STPG2: variants seen among roughly 807,000 people sequenced by gnomAD.
STPG2 encodes the protein sperm-tail PG-rich repeat-containing protein 2.
A neutral mutation model predicts 54.2 loss-of-function variants in STPG2; 56 were observed. The ratio of observed to expected loss-of-function variants is 1.03; its 90% CI spans 0.83 to 1.29. STPG2 has a LOEUF of 1.29. Ranked by LOEUF, STPG2 falls within the 50% of genes most tolerant of loss-of-function variation. STPG2 has a pLI of 0.00. For missense variants in STPG2, 596 were observed against 544.9 expected (o/e 1.09, Z -0.93); for synonymous variants, 200 against 181.8 (o/e 1.10, Z -0.81).
At chr4:97,481,556 G>A (rs573394038) in intron 4 of STPG2, among the ~76,000 whole-genome samples, 199 of 151,416 alleles carry the variant, frequency 1.3e-3, no homozygotes, top group Non-Finnish European at 2.3e-3. Context: ...CAGCATACAG[G>A]TCTAACATGT....
intron 8 of STPG2, among the ~76,000 whole-genome samples, chr4:97,939,419 T>A (rs187314804): frequency 2.1e-3 from 322 of 152,272 alleles, no homozygotes; most frequent in African/African-American, 7.4e-3. Flanking sequence ...GTTGAAGTCT[T>A]ATTGTGTGGG....
intron 9 of STPG2, among the ~76,000 whole-genome samples, chr4:97,791,518 C>A (rs1479544178): frequency 2.0e-5 from 3 of 150,988 alleles, no homozygotes; most frequent in Non-Finnish European, 4.5e-5. Flanking sequence ...CAAATAATCC[C>A]TGTGAAATAT....
intron 8 of STPG2, among the ~76,000 whole-genome samples, chr4:97,874,923 C>T (rs1372132866): frequency 6.6e-6 from 1 of 151,894 alleles, no homozygotes; most frequent in East Asian, 1.9e-4. Flanking sequence ...CTTGAACTTC[C>T]CAGCCTCCAG....
At chr4:97,909,308 T>C (rs60061976) in intron 8 of STPG2, among the ~76,000 whole-genome samples, 1 of 152,180 alleles carries the variant, frequency 6.6e-6, no homozygotes, top group South Asian at 2.1e-4. Context: ...AAATAATTTC[T>C]AAATCTACCA....
intron 8 of STPG2, among the ~76,000 whole-genome samples, chr4:97,919,730 A>T (rs1301260860): frequency 1.3e-5 from 2 of 152,314 alleles, no homozygotes; most frequent in South Asian, 4.1e-4. Context: ...TCTTATAAAT[A>T]TTTAAGAAAG....
intron 10 of STPG2, among the ~76,000 whole-genome samples, chr4:97,590,231 C>A (rs1236739444): frequency 6.6e-6 from 1 of 151,956 alleles, no homozygotes; most frequent in Non-Finnish European, 1.5e-5. Context: ...TCTATGCAAC[C>A]TACCCCCAAG....
At chr4:97,956,485 T>C (rs921219919) in intron 7 of STPG2, among the ~76,000 whole-genome samples, 2 of 152,010 alleles carry the variant, frequency 1.3e-5, no homozygotes, top group African/African-American at 4.8e-5. Context: ...GACCATGAAC[T>C]TTTGCTCCAG....
In STPG2 at chr4:97,845,695, A is replaced by C. The variant is rs531457416; in HGVS notation, c.1045-4763T>G. Among the ~76,000 whole-genome samples, 5 of 152,310 alleles carry C rather than the reference A, an allele frequency of 3.3e-5. No individual in the cohort carries two copies. In the South Asian group the frequency reaches 1.0e-3, roughly 32 times the overall value. On this transcript the variant is annotated intron_variant, in intron 8 of 10. Coordinates refer to ENST00000295268, the MANE Select transcript of STPG2 (RefSeq NM_174952.3). Reference sequence around the variant, plus strand: ...ATAAACTATTACTGATAAACAGTACATTTTGATAAACCTCTGCATTAAATT... The same window carrying C: ...ATAAACTATTACTGATAAACAGTACCTTTTGATAAACCTCTGCATTAAATT...
At chr4:97,915,542 A>G (rs1250646164) in intron 8 of STPG2, among the ~76,000 whole-genome samples, 1 of 152,106 alleles carries the variant, frequency 6.6e-6, no homozygotes, top group Non-Finnish European at 1.5e-5. Flanking sequence ...AGCTCCAGGA[A>G]GGTAGAAGAG....
At chr4:97,863,798 A>C (rs1388090728) in intron 8 of STPG2, among the ~76,000 whole-genome samples, 1 of 152,152 alleles carries the variant, frequency 6.6e-6, no homozygotes, top group East Asian at 1.9e-4. Context: ...TTCAACATAC[A>C]CAAATCAATA....
Position 98,143,027 on chromosome 4 carries a change from C to T in STPG2, c.109+15G>A. 6.2e-7 allele frequency: 1 copy of T among 1,602,838 alleles called. No individual in the cohort carries two copies. The highest frequency in any genetic ancestry group is 8.5e-7 in the Non-Finnish European group (1 of 1,172,942). The stretch of plus-strand genomic sequence containing the variant: ...GATGCCTGTCACAGGAGCTCTGCCT[C>T]TTCCTACATCTTACCTGTCGCCTGC... On this transcript the variant is annotated intron_variant, in intron 1 of 10. Coordinates refer to ENST00000295268, the MANE Select transcript of STPG2 (RefSeq NM_174952.3).
chr4:98,070,815 G>A (rs1737980845), intron 5 of STPG2, among the ~76,000 whole-genome samples: 1 of 151,940 alleles, frequency 6.6e-6, no homozygotes, highest in African/African-American at 2.4e-5. Context: ...AGAAGTAAAG[G>A]ACCTCTTCAA....
At chr4:98,073,008 A>T (rs1738055307) in intron 5 of STPG2, among the ~76,000 whole-genome samples, 2 of 152,346 alleles carry the variant, frequency 1.3e-5, no homozygotes, top group Admixed American at 1.3e-4. Context: ...AATGCTATAT[A>T]TGAGACGCAG....
rs573377684 is a variant in STPG2, at chr4:97,692,310, A to C, written c.1320+20389T>G. 3.8e-4 allele frequency among the ~76,000 whole-genome samples: 58 copies of C among 151,786 alleles called. No homozygotes were observed. In the South Asian group the frequency reaches 0.012, roughly 30 times the overall value. The stretch of plus-strand genomic sequence containing the variant: ...TGATACAGGATATGAAAAAAAAAAA[A>C]AAAAAACCTCAAGTGAAATAGATAG... On this transcript the variant is annotated intron_variant, in intron 10 of 10. Coordinates refer to ENST00000295268, the MANE Select transcript of STPG2 (RefSeq NM_174952.3).
intron 8 of STPG2, among the ~76,000 whole-genome samples, chr4:97,941,195 C>T (rs1039577496): frequency 5.9e-5 from 9 of 151,914 alleles, no homozygotes; most frequent in Admixed American, 2.0e-4. Context: ...TATTTCTCAT[C>T]CCTTTGTGGG....
intron 4 of STPG2, among the ~76,000 whole-genome samples, chr4:97,550,222 GATTT>G (rs898845839): frequency 7.4e-4 from 112 of 151,972 alleles, no homozygotes; most frequent in African/African-American, 2.5e-3. Context: ...CACTACTAAA[GATTT>G]ATTATGTTGT....
Position 97,750,057 on chromosome 4 carries a change from A to T in STPG2, c.1205-37243T>A, listed in dbSNP as rs541854853. The stretch of plus-strand genomic sequence containing the variant: ...TGCATATAATACAAATGCTATTTGC[A>T]TAAGTGCAGATTTATTATTATGAGT... On this transcript the variant is annotated intron_variant, in intron 9 of 10. Transcript: ENST00000295268. Among the ~76,000 whole-genome samples, 147 of 151,968 alleles carry T rather than the reference A, an allele frequency of 9.7e-4. 5 individuals carry two copies. The South Asian group carries it at 0.03, about 31-fold the overall frequency.
intron 10 of STPG2, among the ~76,000 whole-genome samples, chr4:97,669,416 C>T (rs1722630686): frequency 6.6e-6 from 1 of 152,150 alleles, no homozygotes; most frequent in South Asian, 2.1e-4. Flanking sequence ...ATAAGAAAAC[C>T]AGTAATGTAC....
chr4:97,876,826 A>G (rs1730187839), intron 8 of STPG2, among the ~76,000 whole-genome samples: 1 of 152,078 alleles, frequency 6.6e-6, no homozygotes, highest in Admixed American at 6.6e-5. Context: ...TTCTGCAAAG[A>G]GACTCTATGT....
Sources: allele counts gnomAD v4.1 joint callset (sites outside exome capture counted in the v4.1 genomes callset), GRCh38; gene constraint gnomAD v4.1.1; transcripts MANE v1.5; gene names NCBI Gene and HGNC (gene_info 2026-07-23, HGNC 2026-07-21).